Variants in MMP16 observed in about 807,000 individuals in gnomAD.
The protein encoded by MMP16 is matrix metallopeptidase 16.
In MMP16, 12 loss-of-function variants were observed where a neutral mutation model predicts 67.8. The observed-to-expected ratio is 0.18, with a 90% CI of 0.11 to 0.29. MMP16 has a LOEUF of 0.29. Ranked by LOEUF, MMP16 falls within the 10% of genes least tolerant of loss-of-function variation. The probability of loss-of-function intolerance (pLI) is 1.00; values close to 1 mark genes in which losing one functional copy is unlikely to be tolerated. For missense variants in MMP16, 475 were observed against 765.7 expected (o/e 0.62, Z 4.48); for synonymous variants, 249 against 255.9 (o/e 0.97, Z 0.26).
At chr8:88,172,411 A>G (rs567414255) in intron 3 of MMP16, among the ~76,000 whole-genome samples, 81 of 152,316 alleles carry the variant, frequency 5.3e-4, no homozygotes, top group African/African-American at 1.8e-3. Flanking sequence ...AAACAAAAAC[A>G]AGAGTTTAGA....
chr8:88,203,500 A>G (rs996095182), intron 1 of MMP16, among the ~76,000 whole-genome samples: 1 of 152,170 alleles, frequency 6.6e-6, no homozygotes, highest in Non-Finnish European at 1.5e-5. Flanking sequence ...CTTGACTTTT[A>G]CTTAATATAC....
At chr8:88,267,989 T>C (rs1347009736) in intron 1 of MMP16, among the ~76,000 whole-genome samples, 1 of 150,852 alleles carries the variant, frequency 6.6e-6, no homozygotes, top group African/African-American at 2.4e-5. Flanking sequence ...GTTTTATCTG[T>C]ATAAAATAGA....
intron 7 of MMP16, among the ~76,000 whole-genome samples, chr8:88,064,698 A>C (rs1364690709): frequency 1.3e-5 from 2 of 152,126 alleles, no homozygotes; most frequent in African/African-American, 4.8e-5. Flanking sequence ...ATAATAAACA[A>C]GTAACACTAA....
chr8:88,151,134 A>C (rs1808398982), intron 4 of MMP16, among the ~76,000 whole-genome samples: 1 of 87,358 alleles, frequency 1.1e-5, no homozygotes, highest in Admixed American at 1.3e-4. Context: ...ACATAATGGT[A>C]AAGGGATCAA....
At chr8:88,096,370 C>T (rs117932949) in intron 6 of MMP16, among the ~76,000 whole-genome samples, 2,568 of 151,910 alleles carry the variant, frequency 0.017, 42 homozygotes, top group South Asian at 0.053. Context: ...TTTTTTAAAA[C>T]TTAAAAAGTC....
At chr8:88,235,410 C>G (rs993932867) in intron 1 of MMP16, among the ~76,000 whole-genome samples, 27 of 140,176 alleles carry the variant, frequency 1.9e-4, no homozygotes, top group African/African-American at 6.7e-4. Context: ...AAAAAAAAAT[C>G]AAACTAGGAG....
chr8:88,294,383 C>T lies in MMP16; in HGVS notation c.132+32692G>A, dbSNP rs1343640578. Among the ~76,000 whole-genome samples, 3 of 150,738 alleles carry T rather than the reference C, an allele frequency of 2.0e-5. No individual in the cohort carries two copies. The East Asian group carries it at 5.9e-4, about 29-fold the overall frequency. On this transcript the variant is annotated intron_variant, in intron 1 of 9. Coordinates refer to ENST00000286614, the MANE Select transcript of MMP16 (RefSeq NM_005941.5). The stretch of plus-strand genomic sequence containing the variant: ...ATATGTAGATATACACACATCTATA[C>T]ACACATATATACATATGTATATACA...
rs1332216268 is a variant in MMP16, at chr8:88,194,133, A to T, written c.281+3025T>A. Among the ~76,000 whole-genome samples, 6 of 152,030 alleles carry T rather than the reference A, an allele frequency of 3.9e-5. No individual in the cohort carries two copies. In the East Asian group the frequency reaches 1.2e-3, roughly 29 times the overall value. ...TTTATTGTTTGAAAATGGTTAATTT[A>T]TTCAACATAATATAGGGATTACTGC... On this transcript the variant is annotated intron_variant, in intron 2 of 9. Coordinates refer to ENST00000286614, the MANE Select transcript of MMP16 (RefSeq NM_005941.5).
chr8:88,286,515 G>T (rs948979845), intron 1 of MMP16, among the ~76,000 whole-genome samples: 3 of 151,894 alleles, frequency 2.0e-5, no homozygotes, highest in African/African-American at 7.3e-5. Flanking sequence ...TATTGTCCAG[G>T]TTCTCTACCT....
chr8:88,212,055 C>A (rs1441549117), intron 1 of MMP16, among the ~76,000 whole-genome samples: 1 of 152,104 alleles, frequency 6.6e-6, no homozygotes, highest in African/African-American at 2.4e-5. Context: ...CTGTATATAC[C>A]AAAGGGCCTT....
intron 6 of MMP16, among the ~76,000 whole-genome samples, chr8:88,113,740 T>C (rs772448850): frequency 5.3e-5 from 8 of 151,898 alleles, no homozygotes; most frequent in Non-Finnish European, 8.8e-5. Context: ...CATTCACAAG[T>C]GGAACATCTG....
At chr8:88,144,878 A>C (rs1339058285) in intron 4 of MMP16, among the ~76,000 whole-genome samples, 2 of 152,074 alleles carry the variant, frequency 1.3e-5, no homozygotes, top group African/African-American at 4.8e-5. Flanking sequence ...CAATTGCTAC[A>C]GAGAAGTCAG....
intron 2 of MMP16, among the ~76,000 whole-genome samples, chr8:88,191,821 G>A (rs1809173764): frequency 6.6e-6 from 1 of 152,196 alleles, no homozygotes; most frequent in Non-Finnish European, 1.5e-5. Flanking sequence ...CCTGGTACTG[G>A]GTATCCTGTG....
Position 88,323,264 on chromosome 8 carries a change from A to C in MMP16, c.132+3811T>G, listed in dbSNP as rs183051595. On this transcript the variant is annotated intron_variant, in intron 1 of 9. Coordinates refer to ENST00000286614, the MANE Select transcript of MMP16 (RefSeq NM_005941.5). ...TATAAAATATAATTTTTATCTCTGA[A>C]ATGTCTCATGATTAATTATTACCAA... is the stretch of plus-strand genomic sequence containing the variant. 1.2e-4 allele frequency among the ~76,000 whole-genome samples: 19 copies of C among 152,278 alleles called. No individual in the cohort carries two copies. In the East Asian group the frequency reaches 3.7e-3, roughly 29 times the overall value.
intron 6 of MMP16, among the ~76,000 whole-genome samples, chr8:88,091,867 T>G (rs879371384): frequency 1.3e-5 from 2 of 151,878 alleles, no homozygotes; most frequent in Admixed American, 1.3e-4. Flanking sequence ...TAGCAGCCTT[T>G]TGACTTGTGG....
rs191486257 is a variant in MMP16, at chr8:88,160,533, T to A, written c.709+7136A>T. 5.9e-5 allele frequency among the ~76,000 whole-genome samples: 9 copies of A among 151,996 alleles called. No individual in the cohort carries two copies. In the East Asian group the frequency reaches 1.7e-3, roughly 29 times the overall value. On this transcript the variant is annotated intron_variant, in intron 4 of 9. Coordinates refer to ENST00000286614, the MANE Select transcript of MMP16 (RefSeq NM_005941.5). ...TGTAGCCAAAAAACACATGAAAAAA[T>A]GCTCACCATCACTGGCCATCAGAGA...
intron 1 of MMP16, among the ~76,000 whole-genome samples, chr8:88,240,105 T>G (rs1586221403): frequency 6.6e-6 from 1 of 152,276 alleles, no homozygotes; most frequent in South Asian, 2.1e-4. Context: ...AGGAGTCAAC[T>G]TACGCAATGC....
chr8:88,280,100 T>C (rs369256944), intron 1 of MMP16, among the ~76,000 whole-genome samples: 4 of 152,222 alleles, frequency 2.6e-5, no homozygotes, highest in African/African-American at 9.7e-5. Context: ...AATCTGATTG[T>C]AGTTTTACAA....
At chr8:88,166,447 T>A (rs974449374) in intron 4 of MMP16, among the ~76,000 whole-genome samples, 1 of 151,776 alleles carries the variant, frequency 6.6e-6, no homozygotes. Context: ...GCCTCTTATA[T>A]TAAGTAACCA....
Sources: allele counts gnomAD v4.1 joint callset (sites outside exome capture counted in the v4.1 genomes callset), GRCh38; gene constraint gnomAD v4.1.1; transcripts MANE v1.5; gene names NCBI Gene and HGNC (gene_info 2026-07-23, HGNC 2026-07-21).